The following PPP1R14C variants were observed in gnomAD, a reference collection of about 807,000 sequenced individuals.
The protein encoded by PPP1R14C is protein phosphatase 1 regulatory inhibitor subunit 14C.
PPP1R14C carries 16 observed loss-of-function variants against 20.4 expected under a neutral mutation model. That is an observed-to-expected ratio of 0.78 (90% confidence interval 0.53 to 1.19). PPP1R14C has a LOEUF of 1.19. Among genes scored for constraint, PPP1R14C ranks in the 50% most tolerant of loss-of-function variants. PPP1R14C has a pLI of 0.00. For synonymous variants in PPP1R14C, 91 were observed against 91.0 expected (o/e 1.00, Z 0.00); for missense variants, 211 against 220.1 (o/e 0.96, Z 0.26).
rs573573829 is a variant in PPP1R14C, at chr6:150,144,019, C to T, written c.306+521C>T. The stretch of plus-strand genomic sequence containing the variant: ...GAGGCCCCCTTGGTTCTTGAAATTC[C>T]CCGTGAAAATCCTGAGATGGAACGC... On this transcript the variant is annotated intron_variant, in intron 1 of 3. Transcript: ENST00000361131. 2.0e-5 allele frequency among the ~76,000 whole-genome samples: 3 copies of T among 152,310 alleles called. No homozygotes were observed. In the South Asian group the frequency reaches 6.2e-4, roughly 32 times the overall value.
intron 3 of PPP1R14C, among the ~76,000 whole-genome samples, chr6:150,236,638 T>TGTGTGTGTGTGTGTGTGC (rs1311053700): frequency 1.4e-5 from 2 of 142,042 alleles, no homozygotes; most frequent in African/African-American, 5.0e-5. Flanking sequence ...TGTGTGTGTG[T>TGTGTGTGTGTGTGTGTGC]GCGCGTGTGT....
At chr6:150,236,974 GA>G (rs1168228199) in intron 3 of PPP1R14C, among the ~76,000 whole-genome samples, 1 of 152,134 alleles carries the variant, frequency 6.6e-6, no homozygotes, top group Non-Finnish European at 1.5e-5. Context: ...GACCATCACT[GA>G]GGGAGAAACA....
chr6:150,153,002 G>A (rs1291771328), intron 1 of PPP1R14C, among the ~76,000 whole-genome samples: 7 of 152,220 alleles, frequency 4.6e-5, no homozygotes, highest in East Asian at 3.9e-4. Flanking sequence ...GCCAGAGCTC[G>A]CTCTCACTGC....
Position 150,143,295 on chromosome 6 carries a change from G to A in PPP1R14C, c.103G>A (p.Gly35Ser). 6.4e-7 allele frequency: 1 copy of A among 1,560,730 alleles called. No individual in the cohort carries two copies. The highest frequency in any genetic ancestry group is 2.5e-5 in the East Asian group (1 of 39,266). ...SPRGGAGGSP[G>S]SSSGSGSSRE... Reference sequence around the variant, plus strand: ...CCGGGGTGGCGCCGGTGGCAGCCCCGGCTCCAGCAGCGGCTCAGGCTCCTC... The same window carrying A: ...CCGGGGTGGCGCCGGTGGCAGCCCCAGCTCCAGCAGCGGCTCAGGCTCCTC... The change falls in exon 1 of 4, where the codon GGC becomes AGC. Residue 35 changes from glycine (G) to serine (S), a missense_variant. Physicochemically the swap from Gly to Ser is moderately conservative, Grantham distance 56. Coordinates refer to ENST00000361131, the MANE Select transcript of PPP1R14C (RefSeq NM_030949.3). The surrounding 1 kb of genome is among the most constrained non-coding windows in gnomAD (Gnocchi z 5.6).
intron 1 of PPP1R14C, among the ~76,000 whole-genome samples, chr6:150,145,376 C>G (rs1423860049): frequency 6.6e-6 from 1 of 152,144 alleles, no homozygotes; most frequent in Non-Finnish European, 1.5e-5. Flanking sequence ...TCAAGATGCT[C>G]TATATGCTGC....
chr6:150,218,844 G>A (rs1778131501), intron 3 of PPP1R14C, among the ~76,000 whole-genome samples: 2 of 152,050 alleles, frequency 1.3e-5, no homozygotes, highest in Admixed American at 1.3e-4. Context: ...TAGAGACTGG[G>A]TCTCACTATG....
Position 150,185,830 on chromosome 6 carries a change from G to C in PPP1R14C, c.307-28914G>C, listed in dbSNP as rs1287279106. 2.0e-5 allele frequency among the ~76,000 whole-genome samples: 3 copies of C among 152,110 alleles called. No homozygotes were observed. The highest frequency in any genetic ancestry group is 7.2e-5 in the African/African-American group (3 of 41,416). ...GGGTTCTACCCTCACCATCACTCAG[G>C]GACCTAGGCTGCTGAGGCTCTGTGT... is the stretch of plus-strand genomic sequence containing the variant. On this transcript the variant is annotated intron_variant, in intron 1 of 3. Coordinates refer to ENST00000361131, the MANE Select transcript of PPP1R14C (RefSeq NM_030949.3). The surrounding 1 kb of genome is among the most constrained non-coding windows in gnomAD (Gnocchi z 4.1).
At chr6:150,224,953 T>G (rs910245393) in intron 3 of PPP1R14C, among the ~76,000 whole-genome samples, 2 of 151,978 alleles carry the variant, frequency 1.3e-5, no homozygotes, top group Non-Finnish European at 2.9e-5. Flanking sequence ...ATAGGGAGCC[T>G]GTGTCCTTGA....
intron 2 of PPP1R14C, among the ~76,000 whole-genome samples, chr6:150,216,131 C>CA (rs1234207836): frequency 1.3e-5 from 2 of 152,228 alleles, no homozygotes; most frequent in Non-Finnish European, 2.9e-5. Context: ...CTGAAGTCTG[C>CA]AACCTAATGG....
Position 150,237,290 on chromosome 6 carries a change from A to AC in PPP1R14C, c.424-11454dup, listed in dbSNP as rs529124982. 1.8e-3 allele frequency among the ~76,000 whole-genome samples: 281 copies of AC among 152,106 alleles called. 2 individuals are homozygous for AC. The highest frequency in any genetic ancestry group is 6.6e-3 in the African/African-American group (275 of 41,452). On this transcript the variant is annotated intron_variant, in intron 3 of 3. Transcript: ENST00000361131. ...GTGATCTCAGCTCACTGCAACCTCC[A>AC]CCTCCTGGGTTCAAGTGATTCTCCT...
intron 3 of PPP1R14C, among the ~76,000 whole-genome samples, chr6:150,235,130 C>T (rs148860502): frequency 1.5e-3 from 221 of 152,252 alleles, no homozygotes; most frequent in African/African-American, 5.1e-3. Context: ...TTTTGTTGTC[C>T]ATGCTGGAGT....
intron 2 of PPP1R14C, among the ~76,000 whole-genome samples, chr6:150,215,191 A>G (rs1230744260): frequency 6.6e-6 from 1 of 152,252 alleles, no homozygotes; most frequent in African/African-American, 2.4e-5. Context: ...TGGAATATCC[A>G]AGACTAGAGC....
At chr6:150,178,187 C>T (rs112869362) in intron 1 of PPP1R14C, among the ~76,000 whole-genome samples, 316 of 152,312 alleles carry the variant, frequency 2.1e-3, no homozygotes, top group Middle Eastern at 0.017. Flanking sequence ...CAGTTGCTGG[C>T]GCCACCTCAG....
chr6:150,204,844 A>T lies in PPP1R14C; in HGVS notation c.307-9900A>T, dbSNP rs79910559. ...AGAAGCAGGGCAGCCTGGGGCATAC[A>T]CGGGAAGTCGGAGGCTTCAGTCGCT... On this transcript the variant is annotated intron_variant, in intron 1 of 3. Transcript: ENST00000361131. Among the ~76,000 whole-genome samples, 808 of 152,090 alleles carry T rather than the reference A, an allele frequency of 5.3e-3. 10 individuals carry two copies. The highest frequency in any genetic ancestry group is 0.032 in the South Asian group (155 of 4,812).
intron 3 of PPP1R14C, among the ~76,000 whole-genome samples, chr6:150,231,298 A>G (rs868018831): frequency 6.6e-6 from 1 of 152,118 alleles, no homozygotes; most frequent in Non-Finnish European, 1.5e-5. Context: ...TTGTCTTTCT[A>G]TTGCCTCTTC....
At chr6:150,168,430 G>A (rs1159083681) in intron 1 of PPP1R14C, among the ~76,000 whole-genome samples, 1 of 152,098 alleles carries the variant, frequency 6.6e-6, no homozygotes, top group Non-Finnish European at 1.5e-5. Flanking sequence ...CTACTTGGGA[G>A]GCTGAGGCAG....
intron 1 of PPP1R14C, among the ~76,000 whole-genome samples, chr6:150,178,978 C>T (rs1562262661): frequency 6.6e-6 from 1 of 152,180 alleles, no homozygotes; most frequent in Non-Finnish European, 1.5e-5. Context: ...CTATACTCTC[C>T]CTGTCACTAC....
intron 3 of PPP1R14C, among the ~76,000 whole-genome samples, chr6:150,223,656 ATGTC>A (rs1778195952): frequency 1.3e-5 from 2 of 151,800 alleles, no homozygotes; most frequent in African/African-American, 4.8e-5. Flanking sequence ...GATGTTAACT[ATGTC>A]TGTTAAGTTT....
intron 1 of PPP1R14C, among the ~76,000 whole-genome samples, chr6:150,192,659 T>C (rs920707592): frequency 2.6e-5 from 4 of 152,226 alleles, no homozygotes; most frequent in East Asian, 1.9e-4. Flanking sequence ...TCTCAGTAGC[T>C]TAACACAATA....
Sources: gnomAD v4.1 joint callset for allele counts (sites outside exome capture counted in the v4.1 genomes callset) on GRCh38, gnomAD v4.1.1 for gene constraint, Gnocchi (gnomAD v3.1) non-coding constraint, MANE v1.5 for transcripts, NCBI Gene and HGNC (gene_info 2026-07-23, HGNC 2026-07-21) for gene names.